Variants in NAP1L4 observed in about 807,000 individuals in gnomAD.
NAP1L4 encodes nucleosome assembly protein 1 like 4, also known as nucleosome assembly protein 1-like 4.
Under a neutral mutation model 58.2 loss-of-function variants are expected in NAP1L4, and 15 were observed. The ratio of observed to expected loss-of-function variants is 0.26; its 90% CI spans 0.17 to 0.40. The LOEUF is 0.40. NAP1L4 is among the 10% of genes least tolerant of loss of function. The pLI is 1.00. For synonymous variants in NAP1L4, 171 were observed against 155.6 expected (o/e 1.10, Z -0.74); for missense variants, 384 against 451.1 (o/e 0.85, Z 1.35).
intron 4 of NAP1L4, 148 bp downstream of exon 4, chr11:2,975,876 T>C: frequency 1.4e-6 from 1 of 692,462 alleles, no homozygotes; most frequent in Non-Finnish European, 2.4e-6. Flanking sequence ...GGGTCACTCC[T>C]CTCATATCCC....
rs1215017418 is a variant in NAP1L4, at chr11:2,969,847, A to G, written c.490T>C (p.Phe164Leu). The change falls in exon 7 of 16, where the codon TTT becomes CTT. Residue 164 changes from phenylalanine (F) to leucine (L), a missense_variant. Phe to Leu is a conservative substitution (Grantham distance 22). This residue lies in a region of NAP1L4 where 296 missense variants were observed against 360.8 expected (regional missense o/e 0.82). Coordinates refer to ENST00000380542, the MANE Select transcript of NAP1L4 (RefSeq NM_005969.4). ...PDPKGIPEFW[F>L]TIFRNVDMLS... ...ATGTCCACATTTCTGAAGATGGTAA[A>G]CCAGAACTCTGGAATTCCTTTGGGA... 6.2e-7 allele frequency: 1 copy of G among 1,613,922 alleles called. No homozygotes were observed. The highest frequency in any genetic ancestry group is 1.7e-5 in the Admixed American group (1 of 59,992).
rs574102083 is a variant in NAP1L4 at position 2,966,013 on chromosome 11, G to A, written c.535-1262C>T. ...CTGTCAGCTTAGAAAGTCCCAGTGA[G>A]GAAAGTCAGAAGAGGAGTGGGAAGA... On this transcript the variant is annotated intron_variant, in intron 7 of 15. Coordinates refer to ENST00000380542, the MANE Select transcript of NAP1L4 (RefSeq NM_005969.4). Among the ~76,000 whole-genome samples, 538 of 152,284 alleles carry A rather than the reference G, an allele frequency of 3.5e-3. 4 individuals carry two copies. The highest frequency in any genetic ancestry group is 0.034 in the South Asian group (163 of 4,832).
At position 2,951,382 on chromosome 11, in the gene NAP1L4, C is replaced by A. The variant is rs958451205; in HGVS notation, c.1066-67G>T. 1.1e-5 allele frequency: 16 copies of A among 1,411,528 alleles called. No individual in the cohort carries two copies. In the Admixed American group the frequency reaches 2.4e-4, roughly 21 times the overall value. 87.4% of individuals were successfully genotyped at this position (1,411,528 alleles called of 1,614,324 possible). A position where few individuals can be genotyped will look rare whatever the true frequency, so the allele number is the denominator to read the frequency against. ...AAACTCTTGTGGCATTCACAATCCA[C>A]AAACACAAGGAGCAAAACACTGCCT... On this transcript the variant is annotated intron_variant, in intron 13 of 15. Transcript: ENST00000380542. The surrounding 1 kb of genome is among the most constrained non-coding windows in gnomAD (Gnocchi z 4.0).
In NAP1L4 at chr11:2,949,125, A is replaced by T; in HGVS notation, c.*32+102T>A. The T allele has an allele frequency of 1.1e-6, 1 of 884,594 alleles. No individual in the cohort carries two copies. The allele number at this position is 884,594 out of a possible 1,614,324, so 54.8% of individuals were successfully genotyped here. On this transcript the variant is annotated intron_variant, in intron 15 of 15. Coordinates refer to ENST00000380542, the MANE Select transcript of NAP1L4 (RefSeq NM_005969.4). This position sits in a 1 kb window ranked among gnomAD's most constrained non-coding sequence, Gnocchi z 4.0. ...GTCAAACCTGTGACACAGTGAGTGT[A>T]CCTGGACAGCAACTCCCTCTTTATT...
chr11:2,964,873 T>C (rs1847168820), intron 7 of NAP1L4, 122 bp from the exon 8 acceptor site: 3 of 707,744 alleles, frequency 4.2e-6, no homozygotes, highest in Non-Finnish European at 7.2e-6. Context: ...AATTCTGTCC[T>C]TGTCAAAGTA....
intron 4 of NAP1L4, among the ~76,000 whole-genome samples, chr11:2,974,921 A>T (rs1022930894): frequency 1.3e-5 from 2 of 152,152 alleles, no homozygotes; most frequent in South Asian, 4.1e-4. Flanking sequence ...CCAGCTACTC[A>T]GGAGGCTGAG....
chr11:2,991,245 C>A, intron 1 of NAP1L4: 2 of 427,148 alleles, frequency 4.7e-6, no homozygotes, highest in Middle Eastern at 3.7e-4. Context: ...CGCAATCAGA[C>A]TTAGAGAACT....
At chr11:2,973,987 C>T (rs985127883) in intron 4 of NAP1L4, among the ~76,000 whole-genome samples, 4 of 152,142 alleles carry the variant, frequency 2.6e-5, no homozygotes, top group African/African-American at 9.7e-5. Flanking sequence ...AGGCTGGTCT[C>T]GAACTCCTGA....
In NAP1L4 at chr11:2,949,269, A is replaced by G. The variant is rs375717668; in HGVS notation, c.1123-5T>C. On this transcript the variant is annotated splice_polypyrimidine_tract_variant and splice_region_variant and intron_variant, in intron 14 of 15. Coordinates refer to ENST00000380542, the MANE Select transcript of NAP1L4 (RefSeq NM_005969.4). This position sits in a 1 kb window ranked among gnomAD's most constrained non-coding sequence, Gnocchi z 4.0. Reference sequence around the variant, plus strand: ...ATTAACAGACAAAAATTACACCTAAATGGGGAAAAAAATTGAAAGGAACTG... The same window carrying G: ...ATTAACAGACAAAAATTACACCTAAGTGGGGAAAAAAATTGAAAGGAACTG... 19 of 1,596,946 alleles carry G rather than the reference A, an allele frequency of 1.2e-5. No homozygotes were observed. The highest frequency in any genetic ancestry group is 1.6e-5 in the Non-Finnish European group (19 of 1,164,340).
Position 2,949,307 on chromosome 11 carries a change from AAAATG to A in NAP1L4, c.1123-48_1123-44del. 6.7e-7 allele frequency: 1 copy of A among 1,500,298 alleles called. No homozygotes were observed. 92.9% of individuals were successfully genotyped at this position (1,500,298 alleles called of 1,614,324 possible). On this transcript the variant is annotated intron_variant, in intron 14 of 15. Transcript: ENST00000380542. The surrounding 1 kb of genome is among the most constrained non-coding windows in gnomAD (Gnocchi z 4.0). ...TTGAAAGGAACTGTCAGCATGAAAG[AAAATG>A]AAATGCACAAAATTATACAGGAGGA...
At chr11:2,987,120 T>C (rs1205950496) in intron 1 of NAP1L4, among the ~76,000 whole-genome samples, 1 of 152,018 alleles carries the variant, frequency 6.6e-6, no homozygotes, top group Non-Finnish European at 1.5e-5. Flanking sequence ...AAGATACCCC[T>C]GTAGGACACC....
intron 7 of NAP1L4, among the ~76,000 whole-genome samples, chr11:2,967,031 C>A (rs528899069): frequency 1.3e-5 from 2 of 152,316 alleles, no homozygotes; most frequent in East Asian, 3.9e-4. Flanking sequence ...TTTCCACTCT[C>A]CTTGCAGAAA....
At chr11:2,978,139 TGA>T in intron 3 of NAP1L4, 143 bp downstream of exon 3, 1 of 687,990 alleles carries the variant, frequency 1.5e-6, no homozygotes, top group Non-Finnish European at 2.4e-6. Context: ...CTTTTGTTAA[TGA>T]GATACTGATT....
chr11:2,972,351 A>C, intron 4 of NAP1L4, 108 bp from the exon 5 acceptor site: 1 of 978,842 alleles, frequency 1.0e-6, no homozygotes, highest in Non-Finnish European at 1.4e-6. Context: ...CAACATCCTT[A>C]CTATGAACAA....
intron 10 of NAP1L4, among the ~76,000 whole-genome samples, chr11:2,956,286 G>T (rs1846535188): frequency 6.6e-6 from 1 of 152,182 alleles, no homozygotes; most frequent in Non-Finnish European, 1.5e-5. Flanking sequence ...GGCCCCTGTA[G>T]AGTGGCGCAA....
At chr11:2,983,647 T>C (rs1590272020) in intron 1 of NAP1L4, 1 of 145,860 alleles carries the variant, frequency 6.9e-6, no homozygotes, top group African/African-American at 2.5e-5. Context: ...ATTTACACAA[T>C]AAAAAAGAAA....
At chr11:2,981,299 A>T (rs2134004769) in intron 1 of NAP1L4, among the ~76,000 whole-genome samples, 1 of 151,520 alleles carries the variant, frequency 6.6e-6, no homozygotes, top group African/African-American at 2.4e-5. Flanking sequence ...GGTCGCAGCT[A>T]CTTGAGAGGC....
chr11:2,986,700 C>G (rs895803962), intron 1 of NAP1L4, among the ~76,000 whole-genome samples: 1 of 150,100 alleles, frequency 6.7e-6, no homozygotes, highest in Non-Finnish European at 1.5e-5. Context: ...GATCTCGGCT[C>G]ACTGCAACCT....
At chr11:2,952,057 C>G (rs1251036928) in intron 12 of NAP1L4, 1 of 579,144 alleles carries the variant, frequency 1.7e-6, no homozygotes, top group Non-Finnish European at 3.1e-6. Context: ...CCAGGGTGTA[C>G]CCTGGACACA....
Sources: gnomAD v4.1 joint callset for allele counts (sites outside exome capture counted in the v4.1 genomes callset) on GRCh38, gnomAD v4.1.1 for gene constraint, gnomAD v4.1.1 regional missense constraint, Gnocchi (gnomAD v3.1) non-coding constraint, MANE v1.5 for transcripts, NCBI Gene and HGNC (gene_info 2026-07-23, HGNC 2026-07-21) for gene names.